The following NAV2 variants were observed in gnomAD, a reference collection of about 807,000 sequenced individuals.
NAV2 encodes helicase, APC down-regulated 1.
In NAV2, 54 loss-of-function variants were observed where a neutral mutation model predicts 223.2. The ratio of observed to expected loss-of-function variants is 0.24; its 90% CI spans 0.19 to 0.30. The LOEUF (loss-of-function observed/expected upper bound fraction) is 0.30. Among genes scored for constraint, NAV2 ranks in the 10% least tolerant of loss-of-function variants. The pLI is 1.00. For synonymous variants in NAV2, 1,279 were observed against 1,239.3 expected, an observed-to-expected ratio of 1.03 and a Z score of -0.67; for missense variants, 2,806 against 3,147.5, an observed-to-expected ratio of 0.89 and a Z score of 2.60.
chr11:19,747,007 G>A (rs370848502), intron 1 of NAV2, among the ~76,000 whole-genome samples: 170 of 143,626 alleles, frequency 1.2e-3, no homozygotes, highest in African/African-American at 4.0e-3. Flanking sequence ...TCATCATTTA[G>A]CATTAGGTAT....
chr11:19,531,292 G>T (rs2044021586), intron 1 of NAV2, among the ~76,000 whole-genome samples: 1 of 152,168 alleles, frequency 6.6e-6, no homozygotes, highest in African/African-American at 2.4e-5. Context: ...ATGAACCAGA[G>T]TAAGGAGGCA....
chr11:19,517,424 C>T (rs1035360452), intron 1 of NAV2, among the ~76,000 whole-genome samples: 4 of 152,218 alleles, frequency 2.6e-5, no homozygotes, highest in African/African-American at 4.8e-5. Context: ...CACCTCCTTG[C>T]AGAACTTTTG....
intron 1 of NAV2, among the ~76,000 whole-genome samples, chr11:19,606,875 C>G (rs1251735753): frequency 6.6e-6 from 1 of 152,206 alleles, no homozygotes; most frequent in Non-Finnish European, 1.5e-5. Flanking sequence ...TACCTGAGAT[C>G]TTAGAAATGC....
In NAV2 at chr11:19,713,546, C is replaced by T; in HGVS notation, c.-150C>T. Reference sequence around the variant, plus strand: ...GCGCTCGCCCGATTGCTTCGAGTTCCCCGACCTGGGGATTTTTTTTTTAGC... The same window carrying T: ...GCGCTCGCCCGATTGCTTCGAGTTCTCCGACCTGGGGATTTTTTTTTTAGC... On this transcript the variant is annotated 5_prime_UTR_variant, in exon 1 of 38. Coordinates refer to ENST00000349880, the MANE Select transcript of NAV2 (RefSeq NM_145117.5). This position sits in a 1 kb window ranked among gnomAD's most constrained non-coding sequence, Gnocchi z 7.2. The T allele has an allele frequency of 1.4e-6, 2 of 1,405,992 alleles. No individual in the cohort carries two copies. Among genetic ancestry groups the T allele is most frequent in the Middle Eastern group, 5.3e-4 (2 of 3,780 alleles). The allele number at this position is 1,405,992 out of a possible 1,614,324, so 87.1% of individuals were successfully genotyped here. A position where few individuals can be genotyped will look rare whatever the true frequency, so the allele number is the denominator to read the frequency against.
At chr11:19,452,107 AGTGTGT>A (rs60628637) in intron 1 of NAV2, among the ~76,000 whole-genome samples, 23,718 of 146,588 alleles carry the variant, frequency 0.16, 1,899 homozygotes, top group African/African-American at 0.18. Flanking sequence ...AGGTTACAAA[AGTGTGT>A]GTGTGTGTGT....
chr11:19,739,792 T>A (rs1411652834), intron 1 of NAV2, among the ~76,000 whole-genome samples: 1 of 152,018 alleles, frequency 6.6e-6, no homozygotes, highest in Non-Finnish European at 1.5e-5. Flanking sequence ...AAGGAAAAAA[T>A]GCTTTATTTT....
intron 14 of NAV2, among the ~76,000 whole-genome samples, chr11:20,046,149 T>C (rs1051002564): frequency 6.6e-6 from 1 of 151,840 alleles, no homozygotes; most frequent in Non-Finnish European, 1.5e-5. Flanking sequence ...GCCTGGCCAA[T>C]ATGGTGAAAC....
intron 1 of NAV2, among the ~76,000 whole-genome samples, chr11:19,524,572 G>T (rs1304588051): frequency 6.6e-6 from 1 of 152,184 alleles, no homozygotes; most frequent in Non-Finnish European, 1.5e-5. Context: ...AGTGAGTTCA[G>T]CTCCCAGGGC....
At chr11:19,919,408 C>T (rs1201573513) in intron 6 of NAV2, among the ~76,000 whole-genome samples, 2 of 152,016 alleles carry the variant, frequency 1.3e-5, no homozygotes, top group African/African-American at 4.8e-5. Flanking sequence ...GACTGAGTCA[C>T]CACTCCAGAC....
chr11:19,852,218 A>G (rs1024225709), intron 3 of NAV2, among the ~76,000 whole-genome samples: 1 of 152,206 alleles, frequency 6.6e-6, no homozygotes, highest in African/African-American at 2.4e-5. Flanking sequence ...GCAATAGGAA[A>G]CTAATACACT....
intron 1 of NAV2, among the ~76,000 whole-genome samples, chr11:19,665,474 G>A (rs534096837): frequency 6.6e-6 from 1 of 152,324 alleles, no homozygotes; most frequent in South Asian, 2.1e-4. Flanking sequence ...TGCTCAGGAA[G>A]CTTAACCCAG....
chr11:19,475,429 GT>G (rs1436257515), intron 1 of NAV2, among the ~76,000 whole-genome samples: 2 of 152,024 alleles, frequency 1.3e-5, no homozygotes, highest in African/African-American at 4.8e-5. Flanking sequence ...TAAATAGAGA[GT>G]TTAAAAAAAT....
chr11:19,991,384 C>T (rs985622349), intron 11 of NAV2, among the ~76,000 whole-genome samples: 1 of 152,152 alleles, frequency 6.6e-6, no homozygotes, highest in Non-Finnish European at 1.5e-5. Flanking sequence ...CTCAGCCTCC[C>T]AAAGTGCTGG....
At chr11:19,486,699 T>A (rs528750136) in intron 1 of NAV2, among the ~76,000 whole-genome samples, 1 of 152,182 alleles carries the variant, frequency 6.6e-6, no homozygotes, top group South Asian at 2.1e-4. Flanking sequence ...CTTTATAAAT[T>A]ACCTAGTCTT....
At chr11:19,460,211 CA>C (rs1839240810) in intron 1 of NAV2, among the ~76,000 whole-genome samples, 2 of 152,156 alleles carry the variant, frequency 1.3e-5, no homozygotes, top group African/African-American at 4.8e-5. Context: ...TCTTGTGATC[CA>C]GGGACCTGAT....
intron 1 of NAV2, among the ~76,000 whole-genome samples, chr11:19,408,498 T>C (rs1284928806): frequency 6.6e-6 from 1 of 152,214 alleles, no homozygotes; most frequent in East Asian, 1.9e-4. Context: ...GTATCATTGT[T>C]TGGGAATCCC....
intron 1 of NAV2, among the ~76,000 whole-genome samples, chr11:19,831,240 C>T (rs950209352): frequency 2.2e-4 from 1 of 4,626 alleles, no homozygotes; most frequent in Admixed American, 2.9e-3. Context: ...GGGGGGGGCG[C>T]GATGGGGAGT....
rs2043879911 is a variant in NAV2 at position 19,527,543 on chromosome 11, C to G, written c.75+176516C>G. On this transcript the variant is annotated intron_variant, in intron 1 of 37. Coordinates refer to the NAV2 transcript ENST00000360655. ...CACCAGTCCAATGAGCTTCAACTTT[C>G]CAGTGGACAGACATCAGGCTCTCCA... is the stretch of plus-strand genomic sequence containing the variant. Among the ~76,000 whole-genome samples, 4 of 152,208 alleles carry G rather than the reference C, an allele frequency of 2.6e-5. No individual in the cohort carries two copies. The South Asian group carries it at 8.3e-4, about 32-fold the overall frequency.
At chr11:19,379,237 G>A (rs1741350902) in intron 1 of NAV2, among the ~76,000 whole-genome samples, 3 of 152,146 alleles carry the variant, frequency 2.0e-5, no homozygotes, top group Admixed American at 1.3e-4. Context: ...GTGAGCAGGG[G>A]CAAGGACACT....
Sources: allele counts gnomAD v4.1 joint callset (sites outside exome capture counted in the v4.1 genomes callset), GRCh38; gene constraint gnomAD v4.1.1; non-coding constraint Gnocchi (gnomAD v3.1); transcripts MANE v1.5; gene names NCBI Gene and HGNC (gene_info 2026-07-23, HGNC 2026-07-21).